Variants in CAPN5 observed in about 807,000 individuals in gnomAD.
CAPN5 encodes the protein calpain 5.
Under a neutral mutation model 73.0 loss-of-function variants are expected in CAPN5, and 54 were observed. The observed-to-expected ratio is 0.74, with a 90% CI of 0.59 to 0.93. The LOEUF is 0.93. CAPN5 is among the 40% of genes least tolerant of loss of function. The pLI is 0.00. For synonymous variants in CAPN5, 335 were observed against 356.9 expected (o/e 0.94, Z 0.69); for missense variants, 785 against 882.9 (o/e 0.89, Z 1.41).
At chr11:77,093,869 C>T (rs1950180505) in intron 3 of CAPN5, 56 bp downstream of exon 3, 12 of 1,583,970 alleles carry the variant, frequency 7.6e-6, no homozygotes, top group South Asian at 1.1e-5. Flanking sequence ...CAGCCTGTGG[C>T]CCTCACTGCC....
rs531631749 is a variant in CAPN5, at chr11:77,120,714, T to C, written c.1292T>C (p.Val431Ala). 41 of 1,600,506 alleles carry C rather than the reference T, an allele frequency of 2.6e-5. 1 individual carries two copies. The East Asian group carries it at 7.6e-4, about 30-fold the overall frequency. The change falls in exon 10 of 13, where the codon GTG becomes GCG. Residue 431 changes from valine (V) to alanine (A), a missense_variant and splice_region_variant. By Grantham distance (64) the Val-to-Ala change is moderately conservative (BLOSUM62 0). Transcript: ENST00000648180. The part of the protein sequence containing the change: ...NLAIGFDIYK[V>A]EENRQYRMHS... ...CCCAGCCCCTCCCGCCTCCTGCAGG[T>C]GGAGGAGAACCGCCAGTACCGCATG...
In CAPN5 at chr11:77,074,134, A is replaced by G. The variant is rs566627398; in HGVS notation, c.-36+7040A>G. ...GGGATAAATACATTAACAAAATCAA[A>G]AACACAAATAACCGGGCAGCCACCA... is the stretch of plus-strand genomic sequence containing the variant. On this transcript the variant is annotated intron_variant, in intron 1 of 12. Coordinates refer to ENST00000648180, the MANE Select transcript of CAPN5 (RefSeq NM_004055.5). Among the ~76,000 whole-genome samples, 94 of 152,300 alleles carry G rather than the reference A, an allele frequency of 6.2e-4. 1 individual carries two copies. The highest frequency in any genetic ancestry group is 1.1e-3 in the Non-Finnish European group (75 of 68,014).
At chr11:77,088,109 C>T in intron 2 of CAPN5, 1 of 1,495,940 alleles carries the variant, frequency 6.7e-7, no homozygotes, top group Non-Finnish European at 8.9e-7. Flanking sequence ...CCTCATCCAG[C>T]ATGCTGTCTC....
Position 77,109,393 on chromosome 11 carries a change from T to C in CAPN5, c.298-3196T>C, listed in dbSNP as rs561321998. Among the ~76,000 whole-genome samples the C allele has an allele frequency of 5.3e-5, 8 of 152,228 alleles. No homozygotes were observed. The East Asian group carries it at 1.5e-3, about 29-fold the overall frequency. On this transcript the variant is annotated intron_variant, in intron 3 of 12. Coordinates refer to ENST00000648180, the MANE Select transcript of CAPN5 (RefSeq NM_004055.5). The stretch of plus-strand genomic sequence containing the variant: ...GTAATTTTCCAGTTTAAAAAAAAAA[T>C]GAGTTGATTCCCTACCCACCTCCGA...
At position 77,093,400 on chromosome 11, in the gene CAPN5, C is replaced by T. The variant is rs142084187; in HGVS notation, c.166-282C>T. On this transcript the variant is annotated intron_variant, in intron 2 of 12. Coordinates refer to ENST00000648180, the MANE Select transcript of CAPN5 (RefSeq NM_004055.5). ...CAGTGCCCCGGGTCCAGCGCTCTGA[C>T]GTCTTCCCACAGGTTCTTCATCAGC... Among the ~76,000 whole-genome samples, 516 of 152,312 alleles carry T rather than the reference C, an allele frequency of 3.4e-3. 3 individuals are homozygous for T. Among genetic ancestry groups the T allele is most frequent in the African/African-American group, 0.012 (486 of 41,572 alleles).
chr11:77,070,547 G>T (rs1949892339), intron 1 of CAPN5, among the ~76,000 whole-genome samples: 1 of 152,220 alleles, frequency 6.6e-6, no homozygotes, highest in African/African-American at 2.4e-5. Flanking sequence ...TTTCCCTCAT[G>T]GGCTTCTCCG....
chr11:77,089,393 T>A (rs1221742022), intron 2 of CAPN5, among the ~76,000 whole-genome samples: 6 of 152,008 alleles, frequency 3.9e-5, no homozygotes, highest in African/African-American at 1.4e-4. Flanking sequence ...ACATGGGGGG[T>A]CAGGGCCTGG....
intron 3 of CAPN5, chr11:77,102,777 C>T (rs1950299212): frequency 2.1e-6 from 3 of 1,462,376 alleles, no homozygotes; most frequent in Non-Finnish European, 2.7e-6. Flanking sequence ...GGCCTCTTCT[C>T]TCCACGGCCC....
At chr11:77,115,272 C>T (rs553383264) in intron 5 of CAPN5, 123 bp from the exon 6 acceptor site, 2 of 722,468 alleles carry the variant, frequency 2.8e-6, no homozygotes, top group African/African-American at 1.8e-5. Flanking sequence ...AGCACTGCCC[C>T]ATGACTGCAA....
At chr11:77,122,531 G>GCCCCCACCCCCCCCCACA in intron 11 of CAPN5, 45 bp from the exon 12 acceptor site, 1 of 1,228,404 alleles carries the variant, frequency 8.1e-7, no homozygotes, top group Non-Finnish European at 1.2e-6. Context: ...CCCTGCCACA[G>GCCCCCACCCCCCCCCACA]CCCCCACCCC....
chr11:77,069,904 G>T (rs1201107749), intron 1 of CAPN5, among the ~76,000 whole-genome samples: 1 of 152,140 alleles, frequency 6.6e-6, no homozygotes, highest in African/African-American at 2.4e-5. Flanking sequence ...CAGGCTGGTG[G>T]AGACACCCTG....
At chr11:77,094,837 T>C (rs1018418131) in intron 3 of CAPN5, among the ~76,000 whole-genome samples, 9 of 152,242 alleles carry the variant, frequency 5.9e-5, no homozygotes, top group Non-Finnish European at 1.0e-4. Flanking sequence ...TGGCTGTGCC[T>C]ACCAGCATTA....
intron 3 of CAPN5, among the ~76,000 whole-genome samples, chr11:77,110,043 C>A (rs975974134): frequency 1.3e-5 from 2 of 151,968 alleles, no homozygotes; most frequent in Non-Finnish European, 2.9e-5. Context: ...TTGGGCAGAT[C>A]TTGTTTCTTT....
chr11:77,073,394 A>T (rs1369207505), intron 1 of CAPN5, among the ~76,000 whole-genome samples: 1 of 151,828 alleles, frequency 6.6e-6, no homozygotes, highest in Non-Finnish European at 1.5e-5. Flanking sequence ...TGCTGCTTAC[A>T]ACAGCGGCTC....
intron 8 of CAPN5, 58 bp from the exon 9 acceptor site, chr11:77,118,972 C>T (rs1205021557): frequency 1.3e-6 from 2 of 1,560,270 alleles, no homozygotes; most frequent in African/African-American, 2.7e-5. Context: ...AGCCAGCCAG[C>T]CCATGCCTGG....
At chr11:77,090,841 TGG>T (rs1555036395) in intron 2 of CAPN5, among the ~76,000 whole-genome samples, 2 of 152,128 alleles carry the variant, frequency 1.3e-5, no homozygotes, top group Non-Finnish European at 2.9e-5. Context: ...GGGCTGGATG[TGG>T]GGTGTGGTCC....
At chr11:77,080,128 G>A (rs1950013853) in intron 1 of CAPN5, among the ~76,000 whole-genome samples, 1 of 152,136 alleles carries the variant, frequency 6.6e-6, no homozygotes, top group Non-Finnish European at 1.5e-5. Context: ...CCAGTGCATT[G>A]TGGCATCTCT....
chr11:77,075,205 C>T (rs551063552), intron 1 of CAPN5, among the ~76,000 whole-genome samples: 2 of 152,286 alleles, frequency 1.3e-5, no homozygotes, highest in Admixed American at 1.3e-4. Flanking sequence ...CACACCCCTC[C>T]CCTCCCCTTT....
At chr11:77,095,067 G>A (rs1591125760) in intron 3 of CAPN5, among the ~76,000 whole-genome samples, 1 of 152,346 alleles carries the variant, frequency 6.6e-6, no homozygotes, top group East Asian at 1.9e-4. Context: ...GTCCTGCAGG[G>A]TAGGAGCAGC....
Sources: allele counts gnomAD v4.1 joint callset (sites outside exome capture counted in the v4.1 genomes callset), GRCh38; gene constraint gnomAD v4.1.1; transcripts MANE v1.5; gene names NCBI Gene and HGNC (gene_info 2026-07-23, HGNC 2026-07-21).